REEP1: variants seen among roughly 807,000 people sequenced by gnomAD.
REEP1 encodes receptor expression-enhancing protein 1.
A neutral mutation model predicts 40.3 loss-of-function variants in REEP1; 22 were observed. That is an observed-to-expected ratio of 0.55 (90% CI 0.39 to 0.78). REEP1 has a LOEUF of 0.78. Ranked by LOEUF, REEP1 falls within the 30% of genes least tolerant of loss-of-function variation. The pLI, the probability that REEP1 is intolerant of heterozygous loss-of-function variation, is 0.00. For missense variants in REEP1, 280 were observed against 361.1 expected (o/e 0.78, Z 1.82); for synonymous variants, 116 against 139.2 (o/e 0.83, Z 1.17).
intron 1 of REEP1, among the ~76,000 whole-genome samples, chr2:86,282,578 C>G (rs113670989): frequency 1.1e-3 from 160 of 152,230 alleles, no homozygotes; most frequent in African/African-American, 3.2e-3. Flanking sequence ...TGCTAACCCC[C>G]CTCTGAAGCT....
intron 1 of REEP1, among the ~76,000 whole-genome samples, chr2:86,318,309 AC>A (rs1475046029): frequency 6.6e-6 from 1 of 152,160 alleles, no homozygotes. Context: ...TAACCTTGAT[AC>A]AAAAAAGACT....
chr2:86,232,509 T>C, intron 6 of REEP1, 116 bp downstream of exon 6: 1 of 1,246,288 alleles, frequency 8.0e-7, no homozygotes, highest in African/African-American at 1.5e-5. Flanking sequence ...GGACACCCCG[T>C]TGGTGGCAGG....
At chr2:86,220,979 TCA>T (rs1267928303) in intron 7 of REEP1, among the ~76,000 whole-genome samples, 1 of 152,168 alleles carries the variant, frequency 6.6e-6, no homozygotes, top group Non-Finnish European at 1.5e-5. Flanking sequence ...TTATCTGGTA[TCA>T]CACACACACA....
intron 1 of REEP1, among the ~76,000 whole-genome samples, chr2:86,307,201 CAAA>C (rs11289279): frequency 5.5e-5 from 6 of 108,604 alleles, no homozygotes; most frequent in Admixed American, 2.0e-4. Flanking sequence ...AATACTGTGT[CAAA>C]AAAAAAAAAA....
At chr2:86,312,280 C>T (rs1305941579) in intron 1 of REEP1, among the ~76,000 whole-genome samples, 1 of 152,212 alleles carries the variant, frequency 6.6e-6, no homozygotes, top group Non-Finnish European at 1.5e-5. Context: ...TTCATACTGG[C>T]TGCAGAAGGG....
intron 5 of REEP1, among the ~76,000 whole-genome samples, chr2:86,249,618 T>TTA (rs1676159125): frequency 6.7e-6 from 1 of 149,098 alleles, no homozygotes; most frequent in African/African-American, 2.5e-5. Flanking sequence ...GAGAATCTAT[T>TTA]AAAAAAAAAA....
At chr2:86,315,227 GA>G (rs1679938010) in intron 1 of REEP1, among the ~76,000 whole-genome samples, 1 of 152,196 alleles carries the variant, frequency 6.6e-6, no homozygotes, top group Non-Finnish European at 1.5e-5. Flanking sequence ...AGGACCCTGG[GA>G]AGCACAGTCC....
intron 2 of REEP1, among the ~76,000 whole-genome samples, chr2:86,270,777 T>C (rs970217923): frequency 9.2e-5 from 14 of 152,112 alleles, no homozygotes; most frequent in Admixed American, 3.9e-4. Context: ...AGAGGCTCAA[T>C]ATGTGTTGGA....
intron 1 of REEP1, among the ~76,000 whole-genome samples, chr2:86,295,922 C>T (rs559220697): frequency 6.6e-6 from 1 of 152,306 alleles, no homozygotes; most frequent in African/African-American, 2.4e-5. Context: ...GTGCCATTTG[C>T]TTTTGCAGAT....
chr2:86,329,417 T>C (rs1680661593), intron 1 of REEP1, among the ~76,000 whole-genome samples: 1 of 152,184 alleles, frequency 6.6e-6, no homozygotes, highest in Admixed American at 6.5e-5. Context: ...AAAAGGTTCT[T>C]GGCTGGGCAC....
At chr2:86,254,534 G>T (rs1031805837) in intron 4 of REEP1, among the ~76,000 whole-genome samples, 160 bp downstream of exon 4, 1 of 151,956 alleles carries the variant, frequency 6.6e-6, no homozygotes, top group Non-Finnish European at 1.5e-5. Flanking sequence ...TTCTAAACAC[G>T]TCTCAGAAAT....
At chr2:86,262,910 T>C (rs1676941070) in intron 3 of REEP1, among the ~76,000 whole-genome samples, 2 of 152,348 alleles carry the variant, frequency 1.3e-5, no homozygotes, top group South Asian at 4.1e-4. Flanking sequence ...GAAGGCACAA[T>C]ACAGCAATAC....
In REEP1 at chr2:86,337,020, A is replaced by C. The variant is rs927186580; in HGVS notation, c.32+459T>G. ...CCCGTTCCGCGCTGACCCTCCAGGC[A>C]GCGCCCCTGGTTCGTCTGCGCTGTC... On this transcript the variant is annotated intron_variant, in intron 1 of 8. Transcript: ENST00000538924. The surrounding 1 kb of genome is among the most constrained non-coding windows in gnomAD (Gnocchi z 5.8). The C allele has an allele frequency of 6.6e-6, 1 of 152,444 alleles. No individual in the cohort carries two copies. Among genetic ancestry groups the C allele is most frequent in the African/African-American group, 2.4e-5 (1 of 41,480 alleles). The allele number at this position is 152,444 out of a possible 1,614,324, so 9.4% of individuals were successfully genotyped here.
At chr2:86,230,601 T>G (rs1194091770) in intron 6 of REEP1, among the ~76,000 whole-genome samples, 1 of 152,228 alleles carries the variant, frequency 6.6e-6, no homozygotes, top group Non-Finnish European at 1.5e-5. Context: ...CCTGGACACT[T>G]GCAGCATGAC....
chr2:86,233,577 G>A (rs1467039918), intron 5 of REEP1, among the ~76,000 whole-genome samples: 1 of 152,178 alleles, frequency 6.6e-6, no homozygotes, highest in Non-Finnish European at 1.5e-5. Context: ...GTCTGGATGA[G>A]AGAATGTGTC....
intron 5 of REEP1, among the ~76,000 whole-genome samples, chr2:86,234,348 A>G (rs1442007697): frequency 1.3e-5 from 2 of 152,020 alleles, no homozygotes; most frequent in African/African-American, 2.4e-5. Context: ...GAGACCCTGT[A>G]TCTACAAAAA....
At chr2:86,241,383 G>A (rs891095817) in intron 5 of REEP1, among the ~76,000 whole-genome samples, 2 of 152,180 alleles carry the variant, frequency 1.3e-5, no homozygotes, top group African/African-American at 4.8e-5. Context: ...TGTGACTTAC[G>A]GTGACAGGTA....
At chr2:86,295,992 AAAG>A (rs1678963333) in intron 1 of REEP1, among the ~76,000 whole-genome samples, 1 of 152,124 alleles carries the variant, frequency 6.6e-6, no homozygotes, top group South Asian at 2.1e-4. Flanking sequence ...ACAATAACAG[AAAG>A]AGGTAGCTCT....
At chr2:86,304,149 G>A (rs1265844006) in intron 1 of REEP1, among the ~76,000 whole-genome samples, 3 of 152,150 alleles carry the variant, frequency 2.0e-5, no homozygotes, top group African/African-American at 7.2e-5. Flanking sequence ...TCCCCTCTAA[G>A]GAAGGTGGGT....
Sources: gnomAD v4.1 joint callset for allele counts (sites outside exome capture counted in the v4.1 genomes callset) on GRCh38, gnomAD v4.1.1 for gene constraint, Gnocchi (gnomAD v3.1) non-coding constraint, MANE v1.5 for transcripts, NCBI Gene and HGNC (gene_info 2026-07-23, HGNC 2026-07-21) for gene names.